The following MMRN1 variants were observed in gnomAD, a reference collection of about 807,000 sequenced individuals.
MMRN1 encodes multimerin-1.
In MMRN1, 94 loss-of-function variants were observed where a neutral mutation model predicts 100.7. That is an observed-to-expected ratio of 0.93 (90% CI 0.79 to 1.11). The LOEUF (loss-of-function observed/expected upper bound fraction) is 1.11. MMRN1 is among the 50% of genes least tolerant of loss of function. The probability of loss-of-function intolerance (pLI) is 0.00; values close to 1 mark genes in which losing one functional copy is unlikely to be tolerated. For missense variants in MMRN1, 1,606 were observed against 1,439.1 expected (o/e 1.12, Z -1.88); for synonymous variants, 575 against 505.0 (o/e 1.14, Z -1.86).
At chr4:89,943,361 T>C (rs1030749247) in intron 6 of MMRN1, among the ~76,000 whole-genome samples, 2 of 152,166 alleles carry the variant, frequency 1.3e-5, no homozygotes, top group African/African-American at 4.8e-5. Flanking sequence ...AGTCATTTAC[T>C]TGAATAGGAA....
chr4:89,945,299 C>T (rs1722953817), intron 6 of MMRN1, among the ~76,000 whole-genome samples: 1 of 152,076 alleles, frequency 6.6e-6, no homozygotes, highest in South Asian at 2.1e-4. Flanking sequence ...GATAAAGCTG[C>T]TATAAACATT....
rs1354038596 is a variant in MMRN1 at position 89,936,797 on chromosome 4, T to A, written c.3117T>A (p.Pro1039=). The change falls in exon 6 of 8, where the codon CCT becomes CCA. Residue 1039 remains proline, a splice_region_variant and synonymous_variant. Coordinates refer to ENST00000264790, the MANE Select transcript of MMRN1 (RefSeq NM_007351.3). ...TQRNTDNIIY[P]EEYSSCSRHP... ...GAAACACGGACAACATAATATATCC[T>A]GGTAAGCTGTTACTGAAAAGTAACT... 6.4e-7 allele frequency: 1 copy of A among 1,571,102 alleles called. No homozygotes were observed.
chr4:89,903,787 C>T lies in MMRN1; in HGVS notation c.624-5489C>T, dbSNP rs116620072. 2.1e-3 allele frequency among the ~76,000 whole-genome samples: 321 copies of T among 151,242 alleles called. 2 individuals carry two copies. The highest frequency in any genetic ancestry group is 7.4e-3 in the African/African-American group (305 of 41,266). On this transcript the variant is annotated intron_variant, in intron 1 of 7. Transcript: ENST00000264790. ...CTAAAAGCAGGTAGCCTGGCTCCAG[C>T]GACGAACTATGTTATGGGAAATTTT...
chr4:89,902,778 T>C (rs887644880), intron 1 of MMRN1, among the ~76,000 whole-genome samples: 2 of 152,038 alleles, frequency 1.3e-5, no homozygotes, highest in South Asian at 2.1e-4. Context: ...AATCAAAGTA[T>C]CTAAAATTCC....
chr4:89,940,597 G>T (rs1046815893), intron 6 of MMRN1, among the ~76,000 whole-genome samples: 5 of 152,126 alleles, frequency 3.3e-5, no homozygotes, highest in African/African-American at 1.2e-4. Flanking sequence ...GGACACCAGG[G>T]TTCAAGTCCT....
rs781782630 is a variant in MMRN1, at chr4:89,935,938, G to A, written c.2258G>A (p.Ser753Asn). 9 of 1,608,678 alleles carry A rather than the reference G, an allele frequency of 5.6e-6. No individual in the cohort carries two copies. The South Asian group carries it at 6.6e-5, about 12-fold the overall frequency. ...AACTATGCCCTAAAAGAGACTTTAAGTACTATTAAGGATAATAGTGAGATC... is the reference window on the plus strand; with the variant it reads ...AACTATGCCCTAAAAGAGACTTTAAATACTATTAAGGATAATAGTGAGATC... ...QDNYALKETL[S>N]TIKDNSEIHH... Residue 753 changes from serine (S) to asparagine (N), a missense_variant, in exon 6 of 8, where the codon AGT becomes AAT. Transcript: ENST00000264790.
At chr4:89,901,587 G>T (rs1486957543) in intron 1 of MMRN1, among the ~76,000 whole-genome samples, 1 of 151,704 alleles carries the variant, frequency 6.6e-6, no homozygotes. Context: ...ATCCAAAATG[G>T]GTTATTCTTA....
intron 6 of MMRN1, among the ~76,000 whole-genome samples, chr4:89,937,408 A>G (rs1722680948): frequency 6.6e-6 from 1 of 152,058 alleles, no homozygotes; most frequent in South Asian, 2.1e-4. Flanking sequence ...AGGTGATATT[A>G]GGGATGTTAC....
chr4:89,934,339 T>C (rs1171129104), intron 5 of MMRN1, among the ~76,000 whole-genome samples: 1 of 152,164 alleles, frequency 6.6e-6, no homozygotes, highest in African/African-American at 2.4e-5. Context: ...TTCCCTGCAG[T>C]CAATTTATTA....
chr4:89,895,673 C>T, intron 1 of MMRN1, 79 bp downstream of exon 1: 2 of 1,455,744 alleles, frequency 1.4e-6, no homozygotes, highest in Non-Finnish European at 9.1e-7. Flanking sequence ...ACCTCACTCC[C>T]AGAAAATTAT....
intron 5 of MMRN1, among the ~76,000 whole-genome samples, chr4:89,931,801 A>G (rs1722447614): frequency 6.6e-6 from 1 of 152,154 alleles, no homozygotes; most frequent in African/African-American, 2.4e-5. Context: ...TTTATCTCCC[A>G]CTGGGTCCCT....
At position 89,936,467 on chromosome 4, in the gene MMRN1, A is replaced by G. The variant is rs773351612; in HGVS notation, c.2787A>G (p.Thr929=). The G allele has an allele frequency of 6.2e-7, 1 of 1,613,006 alleles. No individual in the cohort carries two copies. The stretch of plus-strand genomic sequence containing the variant: ...ACAAAACTCTCCACGAAGTTTTAAC[A>G]ATGTGTCACAATGCTTCTACAAGTG... ...SLNKTLHEVL[T]MCHNASTSVS... Residue 929 remains threonine (T), a synonymous_variant, in exon 6 of 8, where the codon ACA becomes ACG. Coordinates refer to ENST00000264790, the MANE Select transcript of MMRN1 (RefSeq NM_007351.3).
intron 5 of MMRN1, 29 bp from the exon 6 acceptor site, chr4:89,934,781 T>C (rs1038140): frequency 0.39 from 491,837 of 1,271,354 alleles, 98,218 homozygotes; most frequent in Admixed American, 0.41. Context: ...TAATTAAAAC[T>C]ATGTATTATT....
chr4:89,948,973 C>T (rs1238196630), intron 6 of MMRN1, among the ~76,000 whole-genome samples: 1 of 152,052 alleles, frequency 6.6e-6, no homozygotes, highest in African/African-American at 2.4e-5. Context: ...TAGCCCTACT[C>T]CAGATGAATG....
At chr4:89,885,054 A>T (rs1341943012) in intron 1 of MMRN1, among the ~76,000 whole-genome samples, 3 of 152,050 alleles carry the variant, frequency 2.0e-5, no homozygotes, top group Non-Finnish European at 1.5e-5. Context: ...TTTCAATATA[A>T]ACTAGTGTTT....
Position 89,894,857 on chromosome 4 carries a change from T to C in MMRN1, c.-115T>C. ...CACAGAAACCTGTTTCCTCTACACA[T>C]CTCAAACTGGCAAAACTCAGTCTTA... On this transcript the variant is annotated 5_prime_UTR_variant, in exon 1 of 8. Coordinates refer to ENST00000264790, the MANE Select transcript of MMRN1 (RefSeq NM_007351.3). 3 of 1,473,976 alleles carry C rather than the reference T, an allele frequency of 2.0e-6. No homozygotes were observed. The highest frequency in any genetic ancestry group is 2.7e-6 in the Non-Finnish European group (3 of 1,115,300). 91.3% of individuals were successfully genotyped at this position (1,473,976 alleles called of 1,614,324 possible).
intron 3 of MMRN1, among the ~76,000 whole-genome samples, chr4:89,920,145 C>T (rs1428548121): frequency 6.6e-6 from 1 of 152,106 alleles, no homozygotes; most frequent in African/African-American, 2.4e-5. Flanking sequence ...ATTTGTATAA[C>T]TCAGCTTGTC....
intron 1 of MMRN1, among the ~76,000 whole-genome samples, chr4:89,882,851 G>A (rs1405844760): frequency 2.0e-5 from 3 of 151,900 alleles, no homozygotes; most frequent in East Asian, 1.9e-4. Context: ...ATCTACAACC[G>A]AAAGCAAGAT....
Position 89,923,276 on chromosome 4 carries a change from A to G in MMRN1, c.955+4A>G. The G allele has an allele frequency of 6.2e-7, 1 of 1,610,974 alleles. No homozygotes were observed. The highest frequency in any genetic ancestry group is 8.5e-7 in the Non-Finnish European group (1 of 1,177,262). ...CAGCAAGGCTGTGGTGACCCAGGTC[A>G]TAGATTGTAATTACTATCATCTCTG... On this transcript the variant is annotated splice_donor_region_variant and intron_variant, in intron 4 of 7. Transcript: ENST00000264790.
Sources: allele counts gnomAD v4.1 joint callset (sites outside exome capture counted in the v4.1 genomes callset), GRCh38; gene constraint gnomAD v4.1.1; transcripts MANE v1.5; gene names NCBI Gene and HGNC (gene_info 2026-07-23, HGNC 2026-07-21).